Variants in EDAR observed in about 807,000 individuals in gnomAD.
The protein encoded by EDAR is ectodysplasin A receptor.
Under a neutral mutation model 51.3 loss-of-function variants are expected in EDAR, and 38 were observed. That is an observed-to-expected ratio of 0.74 (90% CI 0.57 to 0.97). The LOEUF (loss-of-function observed/expected upper bound fraction) is 0.97. Among genes scored for constraint, EDAR ranks in the 50% least tolerant of loss-of-function variants. EDAR has a pLI of 0.00. For synonymous variants in EDAR, 227 were observed against 242.1 expected (o/e 0.94, Z 0.58); for missense variants, 528 against 595.0 (o/e 0.89, Z 1.17).
intron 7 of EDAR, 29 bp downstream of exon 7, chr2:108,910,918 G>T: frequency 6.2e-7 from 1 of 1,614,062 alleles, no homozygotes. Context: ...AGTCCAGGAA[G>T]CAGGGCACCG....
intron 11 of EDAR, among the ~76,000 whole-genome samples, chr2:108,904,553 A>G (rs573201178): frequency 2.7e-4 from 40 of 150,348 alleles, no homozygotes; most frequent in African/African-American, 9.6e-4. Context: ...CGTTAAGTGG[A>G]AATAACCCTG....
rs369420328 is a variant in EDAR, at chr2:108,944,152, C to T, written c.-18-13120G>A. On this transcript the variant is annotated intron_variant, in intron 1 of 11. Transcript: ENST00000258443. ...TTTTTGAGACAGAGTCTCGCTCTGT[C>T]AGCCAGGCTGGAGTGCAGTGGCACG... is the stretch of plus-strand genomic sequence containing the variant. 6.6e-5 allele frequency among the ~76,000 whole-genome samples: 10 copies of T among 152,174 alleles called. No individual in the cohort carries two copies. In the East Asian group the frequency reaches 7.7e-4, roughly 12 times the overall value.
At chr2:108,976,955 C>G (rs1698333374) in intron 1 of EDAR, among the ~76,000 whole-genome samples, 1 of 152,108 alleles carries the variant, frequency 6.6e-6, no homozygotes, top group Non-Finnish European at 1.5e-5. Flanking sequence ...CATTAGAATC[C>G]CAGATCTGGG....
At chr2:108,946,904 T>G (rs1301291306) in intron 1 of EDAR, among the ~76,000 whole-genome samples, 2 of 151,874 alleles carry the variant, frequency 1.3e-5, no homozygotes, top group African/African-American at 2.4e-5. Context: ...ATCTTTTTTT[T>G]CACATTTCAA....
chr2:108,968,040 G>A (rs781640105), intron 1 of EDAR, among the ~76,000 whole-genome samples: 4 of 152,266 alleles, frequency 2.6e-5, no homozygotes, highest in East Asian at 1.9e-4. Flanking sequence ...TAGGACATGC[G>A]CCCACTGTCC....
At chr2:108,906,399 C>T in intron 10 of EDAR, 31 bp from the exon 11 acceptor site, 2 of 1,613,012 alleles carry the variant, frequency 1.2e-6, no homozygotes, top group Non-Finnish European at 1.7e-6. Flanking sequence ...TTTTCATCTC[C>T]AGAAAGGGGC....
rs910310596 is a variant in EDAR, at chr2:108,894,706, C to T, written c.*2201G>A. ...TATTATGATCTCATTGTTCTGAATC[C>T]CATAACATAGGCTAAAGCTTGTCAG... On this transcript the variant is annotated 3_prime_UTR_variant, in exon 12 of 12. Transcript: ENST00000258443. 1 of 152,270 alleles carries T rather than the reference C, an allele frequency of 6.6e-6. No individual in the cohort carries two copies. Among genetic ancestry groups the T allele is most frequent in the Non-Finnish European group, 1.5e-5 (1 of 68,020 alleles). The allele number at this position is 152,270 out of a possible 1,614,324, so 9.4% of individuals were successfully genotyped here.
intron 1 of EDAR, among the ~76,000 whole-genome samples, chr2:108,956,359 TG>T (rs1288943051): frequency 6.6e-6 from 1 of 152,206 alleles, no homozygotes; most frequent in Non-Finnish European, 1.5e-5. Flanking sequence ...CTCTAAAACT[TG>T]GAGATGACTT....
intron 1 of EDAR, among the ~76,000 whole-genome samples, chr2:108,977,993 C>T (rs1574415272): frequency 6.6e-6 from 1 of 152,340 alleles, no homozygotes; most frequent in East Asian, 1.9e-4. Flanking sequence ...CTTCTATTCT[C>T]GTAGAGGAAC....
At chr2:108,979,708 G>C (rs1471312305) in intron 1 of EDAR, among the ~76,000 whole-genome samples, 1 of 152,122 alleles carries the variant, frequency 6.6e-6, no homozygotes, top group African/African-American at 2.4e-5. Context: ...GAGGAGAGGA[G>C]GGCTTGAGCA....
chr2:108,941,323 G>A (rs141194769), intron 1 of EDAR, among the ~76,000 whole-genome samples: 45 of 152,212 alleles, frequency 3.0e-4, no homozygotes, highest in Non-Finnish European at 4.4e-4. Flanking sequence ...TTTTGATGTC[G>A]GTGACTCAAA....
intron 1 of EDAR, among the ~76,000 whole-genome samples, chr2:108,973,544 A>G (rs145249675): frequency 2.0e-4 from 30 of 152,262 alleles, no homozygotes; most frequent in Non-Finnish European, 3.5e-4. Flanking sequence ...ACTGCCATGG[A>G]CATTTCCAGC....
Position 108,910,857 on chromosome 2 carries a change from A to G in EDAR, c.656-7T>C. The G allele has an allele frequency of 6.2e-7, 1 of 1,613,900 alleles. No homozygotes were observed. On this transcript the variant is annotated splice_polypyrimidine_tract_variant and splice_region_variant and intron_variant, in intron 7 of 11. Transcript: ENST00000258443. The stretch of plus-strand genomic sequence containing the variant: ...GGGTGGCTGGTGCAACAGGCTGGGG[A>G]GAGAGGAGGGAGTGAGCAGCCAGGC...
chr2:108,908,156 G>T, intron 9 of EDAR, 137 bp from the exon 10 acceptor site: 1 of 958,622 alleles, frequency 1.0e-6, no homozygotes, highest in South Asian at 1.8e-5. Flanking sequence ...TGTTTACTGG[G>T]CACCTTGTGG....
At chr2:108,979,383 C>T (rs1353290014) in intron 1 of EDAR, among the ~76,000 whole-genome samples, 1 of 152,154 alleles carries the variant, frequency 6.6e-6, no homozygotes, top group Non-Finnish European at 1.5e-5. Flanking sequence ...CACCACTTCC[C>T]CCAGCCTGGT....
intron 11 of EDAR, among the ~76,000 whole-genome samples, chr2:108,904,440 A>G (rs2105385767): frequency 6.6e-6 from 1 of 152,386 alleles, no homozygotes; most frequent in African/African-American, 2.4e-5. Context: ...CTATCATACA[A>G]CCCAACAAAT....
chr2:108,915,578 A>G (rs1697011865), intron 5 of EDAR, among the ~76,000 whole-genome samples: 1 of 152,200 alleles, frequency 6.6e-6, no homozygotes, highest in African/African-American at 2.4e-5. Context: ...TTAGCCTCTT[A>G]CTTGGCCTCA....
intron 1 of EDAR, among the ~76,000 whole-genome samples, chr2:108,952,170 G>A (rs1186684794): frequency 2.0e-5 from 3 of 152,204 alleles, no homozygotes; most frequent in East Asian, 1.9e-4. Flanking sequence ...ACCTGAAAGA[G>A]GGGAGAGAAT....
intron 1 of EDAR, among the ~76,000 whole-genome samples, chr2:108,984,594 C>T (rs953685550): frequency 6.6e-6 from 1 of 152,168 alleles, no homozygotes; most frequent in Non-Finnish European, 1.5e-5. Context: ...TTCACTCCCT[C>T]ACTTCATCCA....
Sources: gnomAD v4.1 joint callset for allele counts (sites outside exome capture counted in the v4.1 genomes callset) on GRCh38, gnomAD v4.1.1 for gene constraint, MANE v1.5 for transcripts, NCBI Gene and HGNC (gene_info 2026-07-23, HGNC 2026-07-21) for gene names.